Variants in STPG4 observed in about 807,000 individuals in gnomAD.
The protein encoded by STPG4 is protein STPG4.
A neutral mutation model predicts 31.5 loss-of-function variants in STPG4; 41 were observed. The observed-to-expected ratio is 1.30, with a 90% confidence interval of 1.01 to 1.69. The LOEUF (loss-of-function observed/expected upper bound fraction) is 1.69. Among genes scored for constraint, STPG4 ranks in the 40% most tolerant of loss-of-function variants. The probability of loss-of-function intolerance (pLI) is 0.00; values close to 1 mark genes in which losing one functional copy is unlikely to be tolerated. For synonymous variants in STPG4, 141 were observed against 103.0 expected (o/e 1.37, Z -2.24); for missense variants, 375 against 293.4 (o/e 1.28, Z -2.03).
intron 5 of STPG4, among the ~76,000 whole-genome samples, chr2:47,125,054 C>T (rs1412145744): frequency 6.6e-6 from 1 of 152,126 alleles, no homozygotes. Flanking sequence ...CACCTGTTGG[C>T]CATTTGTATG....
intron 3 of STPG4, among the ~76,000 whole-genome samples, chr2:47,132,321 C>A (rs969842052): frequency 1.3e-5 from 2 of 151,902 alleles, no homozygotes; most frequent in African/African-American, 4.8e-5. Flanking sequence ...GTGAATAATC[C>A]CCTCCACTCC....
At chr2:47,100,670 C>G (rs1362494128) in intron 5 of STPG4, among the ~76,000 whole-genome samples, 1 of 151,730 alleles carries the variant, frequency 6.6e-6, no homozygotes, top group East Asian at 1.9e-4. Context: ...CTTTTATGAG[C>G]TGTAACACTC....
At chr2:47,107,067 G>C (rs553075415) in intron 5 of STPG4, among the ~76,000 whole-genome samples, 1 of 151,978 alleles carries the variant, frequency 6.6e-6, no homozygotes, top group African/African-American at 2.4e-5. Context: ...ATTCCCAACA[G>C]CAGTTGGGGT....
At chr2:47,125,747 C>A (rs995284220) in intron 5 of STPG4, among the ~76,000 whole-genome samples, 1 of 150,752 alleles carries the variant, frequency 6.6e-6, no homozygotes, top group African/African-American at 2.4e-5. Flanking sequence ...TAACTAGAGA[C>A]AGGGTCTCCC....
intron 5 of STPG4, among the ~76,000 whole-genome samples, chr2:47,099,851 G>A (rs895252659): frequency 3.3e-5 from 5 of 152,326 alleles, no homozygotes; most frequent in Non-Finnish European, 5.9e-5. Flanking sequence ...TGCTGGCCCC[G>A]GGCAATGAGG....
intron 3 of STPG4, among the ~76,000 whole-genome samples, chr2:47,139,403 C>CT (rs1168408138): frequency 2.0e-5 from 1 of 49,814 alleles, no homozygotes; most frequent in Admixed American, 3.2e-4. Context: ...GCTTCTCCTG[C>CT]TTTATTTTTT....
intron 5 of STPG4, among the ~76,000 whole-genome samples, chr2:47,110,913 A>G (rs943081849): frequency 6.6e-6 from 1 of 152,216 alleles, no homozygotes; most frequent in African/African-American, 2.4e-5. Flanking sequence ...TCTGCTATTA[A>G]ATTGTTGCTA....
chr2:47,149,411 T>C (rs1686894101), intron 3 of STPG4, among the ~76,000 whole-genome samples: 1 of 152,216 alleles, frequency 6.6e-6, no homozygotes, highest in Non-Finnish European at 1.5e-5. Context: ...AGAAAGACTT[T>C]GCATTTGAGA....
chr2:47,140,427 A>T (rs1231173086), intron 3 of STPG4, among the ~76,000 whole-genome samples: 7 of 152,150 alleles, frequency 4.6e-5, no homozygotes, highest in Admixed American at 2.6e-4. Flanking sequence ...ACCCCCTATG[A>T]TTAGGTCCTC....
At chr2:47,143,791 C>T (rs1452165872) in intron 3 of STPG4, among the ~76,000 whole-genome samples, 2 of 152,090 alleles carry the variant, frequency 1.3e-5, no homozygotes, top group African/African-American at 4.8e-5. Context: ...TCTGGCCACC[C>T]TTTGCTCATT....
Position 47,087,138 on chromosome 2 carries a change from CAG to C in STPG4, c.625-10_625-9del, listed in dbSNP as rs1473333581. On this transcript the variant is annotated splice_polypyrimidine_tract_variant and intron_variant, in intron 6 of 6. Coordinates refer to ENST00000445927, the MANE Select transcript of STPG4 (RefSeq NM_001163561.2). ...TCCTGGGCCTGGGGTTTTCTGAAAA[CAG>C]AGCAGAAAACAGGGACTGATGAGAC... The C allele has an allele frequency of 5.8e-6, 9 of 1,551,442 alleles. No individual in the cohort carries two copies. The highest frequency in any genetic ancestry group is 7.8e-6 in the Non-Finnish European group (9 of 1,146,944).
chr2:47,097,353 C>G (rs1685694284), intron 5 of STPG4, among the ~76,000 whole-genome samples: 1 of 152,134 alleles, frequency 6.6e-6, no homozygotes. Flanking sequence ...GGTGAAGAAT[C>G]TCTGTGCTCT....
rs374218594 is a variant in STPG4, at chr2:47,090,260, G to A, written c.624+10C>T. 340 of 1,543,034 alleles carry A rather than the reference G, an allele frequency of 2.2e-4. No homozygotes were observed. The highest frequency in any genetic ancestry group is 5.7e-4 in the Admixed American group (29 of 50,972). ...GGGGTGGGGGGCGATCTGTCTTTCC[G>A]AATACTTACTGAACAGCTGGGCAAG... On this transcript the variant is annotated intron_variant, in intron 6 of 6. Transcript: ENST00000445927.
At chr2:47,135,315 A>G (rs1686573884) in intron 3 of STPG4, among the ~76,000 whole-genome samples, 1 of 152,144 alleles carries the variant, frequency 6.6e-6, no homozygotes. Flanking sequence ...TGCTTTTTAC[A>G]TTTAAGTTTT....
At chr2:47,133,669 C>T (rs1686537551) in intron 3 of STPG4, among the ~76,000 whole-genome samples, 1 of 140,354 alleles carries the variant, frequency 7.1e-6, no homozygotes, top group African/African-American at 2.6e-5. Flanking sequence ...CCTCTGCCTC[C>T]CGGGTTCAAG....
chr2:47,101,571 A>G (rs1177699136), intron 5 of STPG4, among the ~76,000 whole-genome samples: 3 of 151,768 alleles, frequency 2.0e-5, no homozygotes, highest in East Asian at 3.9e-4. Flanking sequence ...AGTTTCTCCT[A>G]TAAGAATGAT....
At chr2:47,144,300 T>C (rs1686774781) in intron 3 of STPG4, among the ~76,000 whole-genome samples, 1 of 152,238 alleles carries the variant, frequency 6.6e-6, no homozygotes, top group African/African-American at 2.4e-5. Context: ...TATCCTTTCC[T>C]TAACAATTCC....
chr2:47,133,261 G>A (rs572807732), intron 3 of STPG4, among the ~76,000 whole-genome samples: 1 of 151,980 alleles, frequency 6.6e-6, no homozygotes, highest in Admixed American at 6.6e-5. Context: ...CAACCTCCCA[G>A]GCTCAAGCGA....
intron 5 of STPG4, among the ~76,000 whole-genome samples, chr2:47,107,313 G>C (rs1192092682): frequency 6.6e-6 from 1 of 152,124 alleles, no homozygotes; most frequent in East Asian, 1.9e-4. Context: ...GGCTGCGCGT[G>C]GTGCTTGCGG....
Sources: allele counts gnomAD v4.1 joint callset (sites outside exome capture counted in the v4.1 genomes callset), GRCh38; gene constraint gnomAD v4.1.1; transcripts MANE v1.5; gene names NCBI Gene and HGNC (gene_info 2026-07-23, HGNC 2026-07-21).